VAV1: variants seen among roughly 807,000 people sequenced by gnomAD.
The protein encoded by VAV1 is proto-oncogene vav.
A neutral mutation model predicts 128.1 loss-of-function variants in VAV1; 33 were observed. The ratio of observed to expected loss-of-function variants is 0.26; its 90% CI spans 0.20 to 0.34. The LOEUF is 0.34. Among genes scored for constraint, VAV1 ranks in the 10% least tolerant of loss-of-function variants. The pLI, the probability that VAV1 is intolerant of heterozygous loss-of-function variation, is 1.00. For synonymous variants in VAV1, 394 were observed against 409.8 expected (o/e 0.96, Z 0.47); for missense variants, 715 against 1,093.7 (o/e 0.65, Z 4.88).
Position 6,837,016 on chromosome 19 carries a change from G to T in VAV1, c.1946G>T (p.Trp649Leu). The change falls in exon 21 of 27, where the codon TGG becomes TTG. Residue 649 changes from tryptophan to leucine, a missense_variant. Trp to Leu is a moderately conservative substitution (Grantham distance 61). This residue lies in a region of VAV1 where 407 missense variants were observed against 580.6 expected (regional missense o/e 0.70). Transcript: ENST00000602142. ...GRNTSTNEIG[W>L]FPCNRVKPYV... Reference sequence around the variant, plus strand: ...AATACATCTACTAATGAAATTGGCTGGTTTCCTTGTAACAGGGTGAAGCCC... The same window carrying T: ...AATACATCTACTAATGAAATTGGCTTGTTTCCTTGTAACAGGGTGAAGCCC... 1 of 1,614,146 alleles carries T rather than the reference G, an allele frequency of 6.2e-7. No homozygotes were observed. Among genetic ancestry groups the T allele is most frequent in the East Asian group, 2.2e-5 (1 of 44,870 alleles).
chr19:6,842,098 C>CACCTGTAATCCCAGCT (rs924837032), intron 21 of VAV1, among the ~76,000 whole-genome samples: 39 of 152,010 alleles, frequency 2.6e-4, no homozygotes. Flanking sequence ...TGGTGACACA[C>CACCTGTAATCCCAGCT]ACCTGTAATC....
intron 1 of VAV1, among the ~76,000 whole-genome samples, chr19:6,797,725 CA>C (rs1971170173): frequency 1.1e-5 from 1 of 93,560 alleles, no homozygotes; most frequent in Non-Finnish European, 2.1e-5. Flanking sequence ...GCCTGGGCAA[CA>C]AGAGTGAAAC....
intron 1 of VAV1, among the ~76,000 whole-genome samples, chr19:6,811,736 C>G (rs888044482): frequency 9.2e-5 from 14 of 152,184 alleles, no homozygotes; most frequent in African/African-American, 3.4e-4. Context: ...GAGGATCAGA[C>G]AGACACATCA....
In VAV1 at chr19:6,820,041, A is replaced by T. The variant is rs966956619; in HGVS notation, c.205-661A>T. 6.6e-6 allele frequency among the ~76,000 whole-genome samples: 1 copy of T among 152,174 alleles called. No homozygotes were observed. Among genetic ancestry groups the T allele is most frequent in the Non-Finnish European group, 1.5e-5 (1 of 68,032 alleles). On this transcript the variant is annotated intron_variant, in intron 1 of 26. Coordinates refer to ENST00000602142, the MANE Select transcript of VAV1 (RefSeq NM_005428.4). This position sits in a 1 kb window ranked among gnomAD's most constrained non-coding sequence, Gnocchi z 4.4. ...GAAATAAAAAAGTTTAGGGATGGCC[A>T]GGCATGGTGGCTCCCACCTGTAATC...
At position 6,822,847 on chromosome 19, in the gene VAV1, AC is replaced by A. The variant is rs1971829192; in HGVS notation, c.654+334del. Among the ~76,000 whole-genome samples the A allele has an allele frequency of 6.8e-6, 1 of 147,482 alleles. No homozygotes were observed. The highest frequency in any genetic ancestry group is 6.8e-5 in the Admixed American group (1 of 14,700). On this transcript the variant is annotated intron_variant, in intron 6 of 26. Transcript: ENST00000602142. The surrounding 1 kb of genome is among the most constrained non-coding windows in gnomAD (Gnocchi z 5.9). ...ATAAATAGAAAATATATAAATATAT[AC>A]AAAGTATATATAAAAATATAAACAT...
chr19:6,826,479 C>G lies in VAV1; in HGVS notation c.828-133C>G. ...CACATGGGAGATGCTATTGTTATGC[C>G]CATTTCACAGATGGAGAAACTGGGA... On this transcript the variant is annotated intron_variant, in intron 8 of 26. Coordinates refer to ENST00000602142, the MANE Select transcript of VAV1 (RefSeq NM_005428.4). This position sits in a 1 kb window ranked among gnomAD's most constrained non-coding sequence, Gnocchi z 4.1. 1 of 660,792 alleles carries G rather than the reference C, an allele frequency of 1.5e-6. No individual in the cohort carries two copies. The highest frequency in any genetic ancestry group is 2.7e-6 in the Non-Finnish European group (1 of 365,976). 40.9% of individuals were successfully genotyped at this position (660,792 alleles called of 1,614,324 possible). A position where few individuals can be genotyped will look rare whatever the true frequency, so the allele number is the denominator to read the frequency against.
chr19:6,811,797 T>C (rs1395030288), intron 1 of VAV1, among the ~76,000 whole-genome samples: 1 of 152,180 alleles, frequency 6.6e-6, no homozygotes, highest in Admixed American at 6.5e-5. Flanking sequence ...CCAGCTACTG[T>C]AACAAACAAG....
At chr19:6,786,864 TTTA>T (rs1970904733) in intron 1 of VAV1, among the ~76,000 whole-genome samples, 1 of 152,136 alleles carries the variant, frequency 6.6e-6, no homozygotes, top group Non-Finnish European at 1.5e-5. Context: ...ATTTTTATAT[TTTA>T]TTATTATTAT....
At chr19:6,776,209 T>C (rs1437525915) in intron 1 of VAV1, among the ~76,000 whole-genome samples, 3 of 111,744 alleles carry the variant, frequency 2.7e-5, no homozygotes, top group African/African-American at 6.9e-5. Flanking sequence ...TCCATCCATC[T>C]GCTCATCCAT....
At chr19:6,799,270 C>T (rs889300284) in intron 1 of VAV1, among the ~76,000 whole-genome samples, 4 of 152,066 alleles carry the variant, frequency 2.6e-5, no homozygotes, top group South Asian at 2.1e-4. Context: ...CAGGTTCAAG[C>T]GATTCTTCTG....
At chr19:6,827,078 T>G in intron 9 of VAV1, 1 of 255,840 alleles carries the variant, frequency 3.9e-6, no homozygotes, top group Non-Finnish European at 7.9e-6. Flanking sequence ...CAGGCTGAAC[T>G]TGATCTTGAA....
In VAV1 at chr19:6,822,099, C is replaced by A. The variant is rs113094779; in HGVS notation, c.450-122C>A. 4 of 1,078,540 alleles carry A rather than the reference C, an allele frequency of 3.7e-6. No homozygotes were observed. The highest frequency in any genetic ancestry group is 5.4e-6 in the Non-Finnish European group (4 of 736,330). The allele number at this position is 1,078,540 out of a possible 1,614,324, so 66.8% of individuals were successfully genotyped here. On this transcript the variant is annotated intron_variant, in intron 4 of 26. Transcript: ENST00000602142. This position sits in a 1 kb window ranked among gnomAD's most constrained non-coding sequence, Gnocchi z 5.9. The stretch of plus-strand genomic sequence containing the variant: ...CTGGAGCTTGGAGGGACATGGCCTG[C>A]CCTTGGAGTCTGAGGTCCCACCCTT...
At chr19:6,791,968 A>C (rs1179754809) in intron 1 of VAV1, among the ~76,000 whole-genome samples, 1 of 149,314 alleles carries the variant, frequency 6.7e-6, no homozygotes, top group East Asian at 2.0e-4. Flanking sequence ...TTTGGGAGGA[A>C]GGTACTTACC....
chr19:6,848,017 C>A lies in VAV1; in HGVS notation c.2032C>A (p.Arg678=). 6 of 1,522,246 alleles carry A rather than the reference C, an allele frequency of 3.9e-6. No homozygotes were observed. The highest frequency in any genetic ancestry group is 5.2e-6 in the Non-Finnish European group (6 of 1,142,878). 94.3% of individuals were successfully genotyped at this position (1,522,246 alleles called of 1,614,324 possible). The change falls in exon 23 of 27, where the codon CGG becomes AGG. Residue 678 remains arginine (R), a synonymous_variant. Coordinates refer to ENST00000602142, the MANE Select transcript of VAV1 (RefSeq NM_005428.4). ...TTGCAGGTACGCAGGCCCCATGGAGCGGGCAGGGGCAGAGAGCATCCTGGC... is the reference window on the plus strand; with the variant it reads ...TTGCAGGTACGCAGGCCCCATGGAGAGGGCAGGGGCAGAGAGCATCCTGGC... ...VHLWYAGPME[R]AGAESILANR...
intron 19 of VAV1, among the ~76,000 whole-genome samples, chr19:6,835,177 G>C (rs1972189606): frequency 6.7e-6 from 1 of 149,236 alleles, no homozygotes; most frequent in African/African-American, 2.5e-5. Context: ...CGTGTCCTTT[G>C]TACAATAGAA....
At chr19:6,807,379 C>T (rs535208524) in intron 1 of VAV1, among the ~76,000 whole-genome samples, 2 of 151,868 alleles carry the variant, frequency 1.3e-5, no homozygotes, top group Admixed American at 6.6e-5. Flanking sequence ...AAGGTAGATC[C>T]CTCACATGTG....
At chr19:6,783,413 GAGCGCTATGAAAGAATTTCCCAGGCC>G (rs1204095424) in intron 1 of VAV1, among the ~76,000 whole-genome samples, 191 of 151,394 alleles carry the variant, frequency 1.3e-3, no homozygotes, top group African/African-American at 4.4e-3. Flanking sequence ...ACTGGGGAAA[GAGCGCTATGAAAGAATTTCCCAGGCC>G]AGGCCTGGAA....
chr19:6,817,892 T>C (rs941201508), intron 1 of VAV1, among the ~76,000 whole-genome samples: 5 of 152,136 alleles, frequency 3.3e-5, no homozygotes, highest in Non-Finnish European at 2.9e-5. Context: ...TTCACCGTGT[T>C]AGCCAGGATG....
chr19:6,819,088 C>A (rs553297584), intron 1 of VAV1, among the ~76,000 whole-genome samples: 1 of 152,118 alleles, frequency 6.6e-6, no homozygotes, highest in Admixed American at 6.5e-5. Flanking sequence ...TGCACTCCAG[C>A]CTGGCGGACA....
Sources: allele counts gnomAD v4.1 joint callset (sites outside exome capture counted in the v4.1 genomes callset), GRCh38; gene constraint gnomAD v4.1.1; regional missense constraint gnomAD v4.1.1; non-coding constraint Gnocchi (gnomAD v3.1); transcripts MANE v1.5; gene names NCBI Gene and HGNC (gene_info 2026-07-23, HGNC 2026-07-21).